FBLN1: variants seen among roughly 807,000 people sequenced by gnomAD.
FBLN1 encodes the protein fibulin 1.
FBLN1 carries 34 observed loss-of-function variants against 89.7 expected under a neutral mutation model. That is an observed-to-expected ratio of 0.38 (90% CI 0.29 to 0.50). The LOEUF is 0.50. Ranked by LOEUF, FBLN1 falls within the 20% of genes least tolerant of loss-of-function variation. The pLI, the probability that FBLN1 is intolerant of heterozygous loss-of-function variation, is 0.92. For synonymous variants in FBLN1, 393 were observed against 391.3 expected (o/e 1.00, Z -0.05); for missense variants, 777 against 988.1 (o/e 0.79, Z 2.86).
rs571687053 is a variant in FBLN1, at chr22:45,573,119, G to A, written c.1698-1392G>A. On this transcript the variant is annotated intron_variant, in intron 14 of 16. Transcript: ENST00000327858. Reference sequence around the variant, plus strand: ...TGCATGCCTGTAATCCCAGCTACTTGGGAGGCTGAGGCAGGAGAATTGCTT... The same window carrying A: ...TGCATGCCTGTAATCCCAGCTACTTAGGAGGCTGAGGCAGGAGAATTGCTT... 2.6e-5 allele frequency among the ~76,000 whole-genome samples: 4 copies of A among 152,030 alleles called. No individual in the cohort carries two copies. In the East Asian group the frequency reaches 7.8e-4, roughly 30 times the overall value.
At chr22:45,542,882 G>A (rs541854703) in intron 10 of FBLN1, among the ~76,000 whole-genome samples, 6 of 152,348 alleles carry the variant, frequency 3.9e-5, no homozygotes, top group African/African-American at 1.2e-4. Context: ...CACGAGGCTC[G>A]CCCACCAGGC....
At chr22:45,571,111 C>CAAAAAAAAAAAAAAA (rs542647353) in intron 14 of FBLN1, among the ~76,000 whole-genome samples, 12 of 70,848 alleles carry the variant, frequency 1.7e-4, no homozygotes, top group East Asian at 4.3e-4. Flanking sequence ...ACAAGAGTCT[C>CAAAAAAAAAAAAAAA]AAAAAAAAAA....
chr22:45,524,213 G>C (rs984257022), intron 2 of FBLN1, among the ~76,000 whole-genome samples: 1 of 152,244 alleles, frequency 6.6e-6, no homozygotes, highest in African/African-American at 2.4e-5. Flanking sequence ...CTGGCTGGCA[G>C]TGCAGGGAAG....
intron 4 of FBLN1, among the ~76,000 whole-genome samples, chr22:45,529,006 T>C (rs1303892205): frequency 6.6e-6 from 1 of 152,134 alleles, no homozygotes; most frequent in African/African-American, 2.4e-5. Flanking sequence ...CGAGATTGGG[T>C]GTCAAGGGTT....
Position 45,574,938 on chromosome 22 carries a change from C to A in FBLN1, c.1840+285C>A, listed in dbSNP as rs944588393. 6.6e-6 allele frequency among the ~76,000 whole-genome samples: 1 copy of A among 152,164 alleles called. No homozygotes were observed. The highest frequency in any genetic ancestry group is 2.4e-5 in the African/African-American group (1 of 41,520). ...CTGGGACTACAGGCGCCCGCCACCACGCCTGGCTAATCTTTTTGTATTTTT... is the reference window on the plus strand; with the variant it reads ...CTGGGACTACAGGCGCCCGCCACCAAGCCTGGCTAATCTTTTTGTATTTTT... On this transcript the variant is annotated intron_variant, in intron 15 of 16. Coordinates refer to ENST00000327858, the MANE Select transcript of FBLN1 (RefSeq NM_006486.3). The surrounding 1 kb of genome is among the most constrained non-coding windows in gnomAD (Gnocchi z 4.1).
chr22:45,513,877 T>C (rs1017395427), intron 1 of FBLN1, among the ~76,000 whole-genome samples: 2 of 152,168 alleles, frequency 1.3e-5, no homozygotes, highest in African/African-American at 2.4e-5. Flanking sequence ...CACTGCAACC[T>C]CTGCCTCCCA....
In FBLN1 at chr22:45,561,887, A is replaced by G. The variant is rs1479727412; in HGVS notation, c.1697+11272A>G. Among the ~76,000 whole-genome samples, 2 of 152,158 alleles carry G rather than the reference A, an allele frequency of 1.3e-5. No individual in the cohort carries two copies. Among genetic ancestry groups the G allele is most frequent in the African/African-American group, 4.8e-5 (2 of 41,432 alleles). On this transcript the variant is annotated intron_variant, in intron 14 of 16. Transcript: ENST00000327858. The surrounding 1 kb of genome is among the most constrained non-coding windows in gnomAD (Gnocchi z 4.7). The stretch of plus-strand genomic sequence containing the variant: ...GGCAGGAAGCATCCAGCACAGGAGA[A>G]AGATGTAGGCTGGGAGGCTAGGCCA...
Position 45,581,308 on chromosome 22 carries a change from T to A in FBLN1, c.1972+4200T>A, listed in dbSNP as rs2089040081. Among the ~76,000 whole-genome samples, 1 of 152,012 alleles carries A rather than the reference T, an allele frequency of 6.6e-6. No individual in the cohort carries two copies. The highest frequency in any genetic ancestry group is 1.5e-5 in the Non-Finnish European group (1 of 68,016). ...CCAGATCACCACTTCCTTTTAACTC[T>A]CAGGCCAGCCACATCTGTGTCTGTC... On this transcript the variant is annotated intron_variant, in intron 16 of 16. Coordinates refer to ENST00000327858, the MANE Select transcript of FBLN1 (RefSeq NM_006486.3). This position sits in a 1 kb window ranked among gnomAD's most constrained non-coding sequence, Gnocchi z 7.6.
At chr22:45,544,091 C>CTT (rs150488621) in intron 11 of FBLN1, among the ~76,000 whole-genome samples, 2 of 146,006 alleles carry the variant, frequency 1.4e-5, no homozygotes, top group East Asian at 2.0e-4. Context: ...CCTCTAACTT[C>CTT]TTTTTTTTTT....
chr22:45,574,413 C>T lies in FBLN1; in HGVS notation c.1698-98C>T. 2 of 1,346,332 alleles carry T rather than the reference C, an allele frequency of 1.5e-6. No homozygotes were observed. Among genetic ancestry groups the T allele is most frequent in the Non-Finnish European group, 2.1e-6 (2 of 952,524 alleles). 83.4% of individuals were successfully genotyped at this position (1,346,332 alleles called of 1,614,324 possible). On this transcript the variant is annotated intron_variant, in intron 14 of 16. Coordinates refer to ENST00000327858, the MANE Select transcript of FBLN1 (RefSeq NM_006486.3). The surrounding 1 kb of genome is among the most constrained non-coding windows in gnomAD (Gnocchi z 4.1). ...GGAGCTGTCTCTGGGACAGATGCCC[C>T]TGCCCTGGCCACCTGCTCCTCCTCC... is the stretch of plus-strand genomic sequence containing the variant.
chr22:45,552,630 A>G (rs912441636), intron 14 of FBLN1, among the ~76,000 whole-genome samples: 9 of 152,248 alleles, frequency 5.9e-5, no homozygotes, highest in Non-Finnish European at 2.9e-5. Context: ...ACAACTCAGC[A>G]AGAGCGCCTC....
chr22:45,586,485 G>A lies in FBLN1; in HGVS notation c.1972+9377G>A, dbSNP rs193173951. Among the ~76,000 whole-genome samples the A allele has an allele frequency of 1.1e-4, 17 of 152,372 alleles. No homozygotes were observed. In the East Asian group the frequency reaches 1.5e-3, roughly 14 times the overall value. On this transcript the variant is annotated intron_variant, in intron 16 of 16. Transcript: ENST00000327858. ...ACAGCTCCACATCTGCGGTGTCACC[G>A]TGGACGGGACCGTCATGGTCCCAGC...
Position 45,581,821 on chromosome 22 carries a change from G to A in FBLN1, c.1972+4713G>A, listed in dbSNP as rs952362457. Among the ~76,000 whole-genome samples the A allele has an allele frequency of 2.0e-5, 3 of 152,068 alleles. No individual in the cohort carries two copies. The highest frequency in any genetic ancestry group is 6.5e-5 in the Admixed American group (1 of 15,278). On this transcript the variant is annotated intron_variant, in intron 16 of 16. Transcript: ENST00000327858. This position sits in a 1 kb window ranked among gnomAD's most constrained non-coding sequence, Gnocchi z 7.6. ...TCTGTGGCTGGCCCATGAACAGCGC[G>A]ATGAGAGGCAGGGAGCCAGGAAGGG...
intron 14 of FBLN1, chr22:45,565,060 G>A (rs1304211465): frequency 1.7e-5 from 28 of 1,605,360 alleles, no homozygotes; most frequent in South Asian, 1.4e-4. Context: ...ATTGTGCCAC[G>A]GGAGCATGAG....
At chr22:45,517,571 C>A in intron 1 of FBLN1, 1 of 471,210 alleles carries the variant, frequency 2.1e-6, no homozygotes. Flanking sequence ...TTCATCTGCC[C>A]TTTTTGCGAG....
At chr22:45,527,579 A>G (rs2146962112) in intron 3 of FBLN1, among the ~76,000 whole-genome samples, 1 of 149,696 alleles carries the variant, frequency 6.7e-6, no homozygotes, top group East Asian at 2.0e-4. Context: ...GAGGGGTGCA[A>G]TTGCATGTTG....
intron 8 of FBLN1, 138 bp downstream of exon 8, chr22:45,535,475 ACAG>A: frequency 1.0e-6 from 1 of 956,996 alleles, no homozygotes; most frequent in Non-Finnish European, 1.6e-6. Context: ...AAAGGGCTGG[ACAG>A]CAAATAGAGC....
chr22:45,548,638 C>T lies in FBLN1; in HGVS notation c.1467C>T (p.Thr489=), dbSNP rs143369508. 48 of 1,613,740 alleles carry T rather than the reference C, an allele frequency of 3.0e-5. No individual in the cohort carries two copies. Among genetic ancestry groups the T allele is most frequent in the East Asian group, 2.0e-4 (9 of 44,882 alleles). Residue 489 remains threonine, a synonymous_variant, in exon 13 of 17, where the codon ACC becomes ACT. Coordinates refer to ENST00000327858, the MANE Select transcript of FBLN1 (RefSeq NM_006486.3). ...CEDIDECALP[T]GGHICSYRCI... ...ACATCGACGAGTGCGCCCTGCCCACCGGGGGCCACATCTGCTCCTACCGCT... is the reference window on the plus strand; with the variant it reads ...ACATCGACGAGTGCGCCCTGCCCACTGGGGGCCACATCTGCTCCTACCGCT...
Position 45,563,050 on chromosome 22 carries a change from C to T in FBLN1, c.1698-11461C>T, listed in dbSNP as rs373993607. On this transcript the variant is annotated intron_variant, in intron 14 of 16. Coordinates refer to ENST00000327858, the MANE Select transcript of FBLN1 (RefSeq NM_006486.3). This position sits in a 1 kb window ranked among gnomAD's most constrained non-coding sequence, Gnocchi z 5.7. ...TCCGCATGGGCCCCTCCAGTGCTGT[C>T]CCCGGGGACAGCATGCAGCTGGCCA... is the stretch of plus-strand genomic sequence containing the variant. 1.2e-6 allele frequency: 2 copies of T among 1,613,448 alleles called. No homozygotes were observed. The highest frequency in any genetic ancestry group is 1.1e-5 in the South Asian group (1 of 91,078).
Sources: allele counts gnomAD v4.1 joint callset (sites outside exome capture counted in the v4.1 genomes callset), GRCh38; gene constraint gnomAD v4.1.1; non-coding constraint Gnocchi (gnomAD v3.1); transcripts MANE v1.5; gene names NCBI Gene and HGNC (gene_info 2026-07-23, HGNC 2026-07-21).